RAPGEF4: variants seen among roughly 807,000 people sequenced by gnomAD.
RAPGEF4 encodes the protein RAP guanine-nucleotide-exchange factor (GEF) 4.
Under a neutral mutation model 147.9 loss-of-function variants are expected in RAPGEF4, and 66 were observed. The observed-to-expected ratio is 0.45, with a 90% CI of 0.37 to 0.55. RAPGEF4 has a LOEUF of 0.55. Ranked by LOEUF, RAPGEF4 falls within the 20% of genes least tolerant of loss-of-function variation. The pLI, the probability that RAPGEF4 is intolerant of heterozygous loss-of-function variation, is 0.00. For missense variants in RAPGEF4, 1,071 were observed against 1,257.3 expected (o/e 0.85, Z 2.24); for synonymous variants, 419 against 442.7 (o/e 0.95, Z 0.67).
chr2:172,797,181 A>G (rs1048949135), intron 2 of RAPGEF4, among the ~76,000 whole-genome samples: 4 of 152,256 alleles, frequency 2.6e-5, no homozygotes, highest in Non-Finnish European at 4.4e-5. Context: ...GCTAGTCTAG[A>G]AAACACATTG....
intron 1 of RAPGEF4, among the ~76,000 whole-genome samples, chr2:172,767,677 A>G (rs1696979007): frequency 6.6e-6 from 1 of 152,160 alleles, no homozygotes; most frequent in Non-Finnish European, 1.5e-5. Context: ...TTTATTTTCA[A>G]AACTTTAGAA....
chr2:173,011,986 T>C (rs1465235847), intron 17 of RAPGEF4, among the ~76,000 whole-genome samples: 1 of 152,220 alleles, frequency 6.6e-6, no homozygotes, highest in African/African-American at 2.4e-5. Context: ...GCTGTTTCCA[T>C]CTTTGAGTGA....
rs116393541 is a variant in RAPGEF4, at chr2:172,895,451, G to A, written c.445-22351G>A. Among the ~76,000 whole-genome samples, 254 of 152,256 alleles carry A rather than the reference G, an allele frequency of 1.7e-3. 1 individual carries two copies. The highest frequency in any genetic ancestry group is 5.4e-3 in the African/African-American group (224 of 41,526). ...AACTCTGCTTTGGGGAAAGATCATA[G>A]ACATACACTTTCCCTGAAATAAACT... On this transcript the variant is annotated intron_variant, in intron 4 of 30. Transcript: ENST00000397081.
intron 17 of RAPGEF4, among the ~76,000 whole-genome samples, chr2:173,005,484 G>C (rs1334711846): frequency 6.8e-6 from 1 of 146,316 alleles, no homozygotes; most frequent in African/African-American, 2.5e-5. Flanking sequence ...AAAAAAGTCT[G>C]GTATATTATT....
chr2:172,834,540 T>C (rs1690712218), intron 4 of RAPGEF4, among the ~76,000 whole-genome samples: 1 of 152,220 alleles, frequency 6.6e-6, no homozygotes, highest in Non-Finnish European at 1.5e-5. Flanking sequence ...GAAACCTCTC[T>C]CAACAAGAAA....
intron 4 of RAPGEF4, among the ~76,000 whole-genome samples, chr2:172,895,757 G>C (rs1698408852): frequency 6.6e-6 from 1 of 152,154 alleles, no homozygotes. Context: ...AATTGGGAGA[G>C]GAGGGGTAAA....
At chr2:172,891,920 G>T (rs761452533) in intron 4 of RAPGEF4, among the ~76,000 whole-genome samples, 10 of 152,220 alleles carry the variant, frequency 6.6e-5, no homozygotes, top group Non-Finnish European at 1.5e-4. Context: ...GAGAGGGGAA[G>T]AAGAGCTGTC....
intron 1 of RAPGEF4, 36 bp downstream of exon 1, chr2:172,736,084 C>G (rs930992329): frequency 2.8e-6 from 4 of 1,439,732 alleles, no homozygotes; most frequent in Non-Finnish European, 3.7e-6. Flanking sequence ...GGGCCGAGCT[C>G]TGCGGTGCTG....
chr2:172,925,795 GAGAA>G (rs1477602197), intron 6 of RAPGEF4, among the ~76,000 whole-genome samples: 6 of 105,248 alleles, frequency 5.7e-5, no homozygotes, highest in South Asian at 3.4e-4. Flanking sequence ...GAGAGAGAGA[GAGAA>G]AGAAAGAAAG....
intron 1 of RAPGEF4, among the ~76,000 whole-genome samples, chr2:172,771,158 A>G (rs992277333): frequency 7.9e-5 from 12 of 152,194 alleles, no homozygotes; most frequent in Middle Eastern, 3.4e-3. Context: ...TATTGCCCAC[A>G]GTTCTGGAGG....
intron 4 of RAPGEF4, among the ~76,000 whole-genome samples, chr2:172,840,932 T>C (rs1344592): frequency 0.49 from 74,178 of 152,134 alleles, 18,362 homozygotes; most frequent in East Asian, 0.57. Context: ...TTCCTCTTAC[T>C]GGCCCAGGGC....
At chr2:173,038,880 G>A (rs972086251) in intron 29 of RAPGEF4, among the ~76,000 whole-genome samples, 1 of 152,170 alleles carries the variant, frequency 6.6e-6, no homozygotes, top group Non-Finnish European at 1.5e-5. Context: ...TCTGAGTTTT[G>A]AGATCTTGGT....
chr2:172,923,612 C>G (rs1684987454), intron 6 of RAPGEF4, among the ~76,000 whole-genome samples: 2 of 152,158 alleles, frequency 1.3e-5, no homozygotes, highest in Non-Finnish European at 2.9e-5. Context: ...AATGTTACAC[C>G]AAAATTTACT....
At chr2:172,758,225 G>A (rs142010239) in intron 1 of RAPGEF4, among the ~76,000 whole-genome samples, 11 of 152,308 alleles carry the variant, frequency 7.2e-5, no homozygotes, top group African/African-American at 1.7e-4. Flanking sequence ...GTGGGTGCGT[G>A]TGTAGGTTGT....
intron 6 of RAPGEF4, among the ~76,000 whole-genome samples, chr2:172,939,207 A>G (rs1296461214): frequency 6.6e-6 from 1 of 152,232 alleles, no homozygotes; most frequent in Admixed American, 6.5e-5. Flanking sequence ...TTGTGTGGTA[A>G]CACTATATTT....
intron 4 of RAPGEF4, chr2:172,821,560 C>T: frequency 3.0e-6 from 3 of 987,204 alleles, no homozygotes; most frequent in Non-Finnish European, 3.6e-6. Flanking sequence ...GGCTGGTTCT[C>T]TTGTCTCTCT....
chr2:172,953,502 C>G (rs1211092534), intron 6 of RAPGEF4, among the ~76,000 whole-genome samples: 2 of 151,568 alleles, frequency 1.3e-5, no homozygotes, highest in African/African-American at 4.9e-5. Flanking sequence ...GAGAGACAGA[C>G]AGAGAGAGAG....
rs116553324 is a variant in RAPGEF4, at chr2:173,007,851, T to C, written c.1658+6507T>C. Among the ~76,000 whole-genome samples the C allele has an allele frequency of 7.6e-3, 1,150 of 152,308 alleles. 9 individuals carry two copies. Among genetic ancestry groups the C allele is most frequent in the African/African-American group, 0.025 (1,033 of 41,560 alleles). The stretch of plus-strand genomic sequence containing the variant: ...TTATAGTAAAAAAAAGCAAAAGCTC[T>C]GAAGTAAAAAGACCTGTGTTTAAGA... On this transcript the variant is annotated intron_variant, in intron 17 of 30. Transcript: ENST00000397081.
intron 29 of RAPGEF4, among the ~76,000 whole-genome samples, chr2:173,047,807 G>A (rs977047631): frequency 6.6e-6 from 1 of 152,058 alleles, no homozygotes; most frequent in African/African-American, 2.4e-5. Context: ...CTCCCAAGTA[G>A]CTGGGACTAC....
Sources: allele counts gnomAD v4.1 joint callset (sites outside exome capture counted in the v4.1 genomes callset), GRCh38; gene constraint gnomAD v4.1.1; transcripts MANE v1.5; gene names NCBI Gene and HGNC (gene_info 2026-07-23, HGNC 2026-07-21).